NRXN3: variants seen among roughly 807,000 people sequenced by gnomAD.
The protein encoded by NRXN3 is neurexin 3, also known as neurexin III.
A neutral mutation model predicts 137.6 loss-of-function variants in NRXN3; 32 were observed. The observed-to-expected ratio is 0.23, with a 90% CI of 0.18 to 0.31. The LOEUF is 0.31. NRXN3 is among the 10% of genes least tolerant of loss of function. The pLI is 1.00. For synonymous variants in NRXN3, 798 were observed against 784.5 expected (o/e 1.02, Z -0.29); for missense variants, 1,574 against 2,062.5 (o/e 0.76, Z 4.59).
chr14:78,651,544 G>A (rs1444364020), intron 6 of NRXN3, among the ~76,000 whole-genome samples: 1 of 152,112 alleles, frequency 6.6e-6, no homozygotes, highest in Non-Finnish European at 1.5e-5. Flanking sequence ...GTATTAGTCT[G>A]TTTGCATGCT....
intron 16 of NRXN3, among the ~76,000 whole-genome samples, chr14:79,637,669 A>G (rs1210569204): frequency 6.6e-6 from 1 of 151,060 alleles, no homozygotes; most frequent in Non-Finnish European, 1.5e-5. Flanking sequence ...GCTAAATTAT[A>G]AAGGTTATTT....
At chr14:78,499,485 A>G (rs1220505717) in intron 4 of NRXN3, among the ~76,000 whole-genome samples, 1 of 152,212 alleles carries the variant, frequency 6.6e-6, no homozygotes, top group Non-Finnish European at 1.5e-5. Flanking sequence ...ATGACTTTGT[A>G]TTGAATTAAA....
At chr14:79,441,389 T>C (rs2095946175) in intron 15 of NRXN3, among the ~76,000 whole-genome samples, 1 of 129,980 alleles carries the variant, frequency 7.7e-6, no homozygotes. Context: ...TTTTTTTTTT[T>C]TTTTTTTTGA....
At chr14:78,968,528 C>T (rs2099428357) in intron 14 of NRXN3, among the ~76,000 whole-genome samples, 182 bp downstream of exon 14, 1 of 152,150 alleles carries the variant, frequency 6.6e-6, no homozygotes, top group South Asian at 2.1e-4. Context: ...ACATGTGCCA[C>T]AGGCTCCAGG....
chr14:78,603,080 T>C (rs8009535), intron 4 of NRXN3, among the ~76,000 whole-genome samples: 6,826 of 152,088 alleles, frequency 0.045, 564 homozygotes, highest in African/African-American at 0.16. Flanking sequence ...TAGTAGACAG[T>C]GGAGCTAAAT....
At chr14:78,821,670 A>G (rs1311957406) in intron 10 of NRXN3, among the ~76,000 whole-genome samples, 1 of 152,124 alleles carries the variant, frequency 6.6e-6, no homozygotes, top group Admixed American at 6.5e-5. Context: ...CTCACAGAGA[A>G]AAGAGAACAC....
Position 79,094,979 on chromosome 14 carries a change from A to AGAGTGT in NRXN3, c.3262+106839_3262+106840insAGTGTG, listed in dbSNP as rs553957969. ...GAGAGAGAGAGAGAGAGAGAGAGAG[A>AGAGTGT]GTGTGTGTGTGTGTGTGTGTGTGTG... On this transcript the variant is annotated intron_variant, in intron 15 of 20. Coordinates refer to ENST00000335750, the MANE Select transcript of NRXN3 (RefSeq NM_001330195.2). Among the ~76,000 whole-genome samples, 264 of 115,900 alleles carry AGAGTGT rather than the reference A, an allele frequency of 2.3e-3. 3 individuals are homozygous for AGAGTGT. The highest frequency in any genetic ancestry group is 0.011 in the Middle Eastern group (2 of 188). The allele number at this position is 115,900 out of a possible 152,430, so 76.0% of individuals were successfully genotyped here. A position where few individuals can be genotyped will look rare whatever the true frequency, so the allele number is the denominator to read the frequency against.
At chr14:79,806,268 G>A (rs2140656479) in intron 20 of NRXN3, among the ~76,000 whole-genome samples, 1 of 152,116 alleles carries the variant, frequency 6.6e-6, no homozygotes, top group South Asian at 2.1e-4. Context: ...TAAGCTTCAT[G>A]AAAAAATAAT....
At chr14:79,534,228 A>G (rs541974450) in intron 16 of NRXN3, among the ~76,000 whole-genome samples, 1 of 152,254 alleles carries the variant, frequency 6.6e-6, no homozygotes, top group African/African-American at 2.4e-5. Context: ...ATGAATGTCT[A>G]TTGGTATACT....
At chr14:78,975,911 T>TCAACA (rs1567874513) in intron 14 of NRXN3, among the ~76,000 whole-genome samples, 1 of 152,112 alleles carries the variant, frequency 6.6e-6, no homozygotes, top group Non-Finnish European at 1.5e-5. Flanking sequence ...TCTCTCTAGG[T>TCAACA]CAACACAGGA....
chr14:78,286,551 GA>G (rs775051426), intron 3 of NRXN3, among the ~76,000 whole-genome samples: 1 of 152,150 alleles, frequency 6.6e-6, no homozygotes, highest in Non-Finnish European at 1.5e-5. Flanking sequence ...GAGGGGTGAG[GA>G]GGTGGAATGC....
intron 19 of NRXN3, among the ~76,000 whole-genome samples, chr14:79,770,934 A>T (rs952030951): frequency 1.3e-5 from 2 of 152,212 alleles, no homozygotes; most frequent in Admixed American, 6.5e-5. Context: ...AAAAAATGAT[A>T]AAGAAGATAT....
intron 15 of NRXN3, among the ~76,000 whole-genome samples, chr14:79,445,128 T>G (rs1251870660): frequency 6.6e-6 from 1 of 151,790 alleles, no homozygotes; most frequent in Admixed American, 6.6e-5. Context: ...GATCACGAGG[T>G]CAAGAGATCA....
At chr14:78,682,372 A>G (rs1056298400) in intron 6 of NRXN3, among the ~76,000 whole-genome samples, 2 of 150,818 alleles carry the variant, frequency 1.3e-5, no homozygotes, top group Non-Finnish European at 3.0e-5. Flanking sequence ...GAGCACCTGC[A>G]TATCTTCCCT....
At chr14:79,161,410 G>A (rs1366649210) in intron 15 of NRXN3, among the ~76,000 whole-genome samples, 1 of 151,922 alleles carries the variant, frequency 6.6e-6, no homozygotes, top group Non-Finnish European at 1.5e-5. Flanking sequence ...CTGAAGATAA[G>A]ATACATTTGA....
intron 15 of NRXN3, among the ~76,000 whole-genome samples, chr14:79,030,659 AG>A (rs1365078356): frequency 8.6e-5 from 2 of 23,294 alleles, no homozygotes; most frequent in East Asian, 1.8e-3. Context: ...TTTTTTTTTT[AG>A]CTTTTCATTG....
chr14:79,052,416 C>A (rs540670966), intron 15 of NRXN3, among the ~76,000 whole-genome samples: 1 of 152,328 alleles, frequency 6.6e-6, no homozygotes, highest in South Asian at 2.1e-4. Flanking sequence ...GGACCTGAGA[C>A]TTGCGGATCT....
chr14:78,584,389 G>A (rs28684431), intron 4 of NRXN3, among the ~76,000 whole-genome samples: 1,763 of 152,156 alleles, frequency 0.012, 36 homozygotes, highest in African/African-American at 0.041. Context: ...GGTCCCAAAG[G>A]CTGAACGTCA....
At chr14:78,619,498 C>G (rs779340216) in intron 4 of NRXN3, among the ~76,000 whole-genome samples, 2 of 152,118 alleles carry the variant, frequency 1.3e-5, no homozygotes, top group Non-Finnish European at 2.9e-5. Flanking sequence ...CGAATCTCAT[C>G]TTGAATTGAG....
Sources: allele counts gnomAD v4.1 joint callset (sites outside exome capture counted in the v4.1 genomes callset), GRCh38; gene constraint gnomAD v4.1.1; transcripts MANE v1.5; gene names NCBI Gene and HGNC (gene_info 2026-07-23, HGNC 2026-07-21).